The following EYS variants were observed in gnomAD, a reference collection of about 807,000 sequenced individuals.
The protein encoded by EYS is EGF-like photoreceptor maintenance factor, also known as protein eyes shut homolog.
EYS carries 250 observed loss-of-function variants against 282.1 expected under a neutral mutation model. That is an observed-to-expected ratio of 0.89 (90% CI 0.80 to 0.98). The LOEUF is 0.98. Among genes scored for constraint, EYS ranks in the 50% least tolerant of loss-of-function variants. The pLI is 0.00. For synonymous variants in EYS, 1,355 were observed against 1,282.9 expected, an observed-to-expected ratio of 1.06 and a Z score of -1.20; for missense variants, 4,016 against 3,709.0, an observed-to-expected ratio of 1.08 and a Z score of -2.15.
At chr6:64,856,345 G>A (rs1346997487) in intron 19 of EYS, among the ~76,000 whole-genome samples, 1 of 152,050 alleles carries the variant, frequency 6.6e-6, no homozygotes, top group African/African-American at 2.4e-5. Context: ...TCATCACCCA[G>A]GATGGAGTTC....
At chr6:63,975,109 A>C (rs1433264177) in intron 35 of EYS, among the ~76,000 whole-genome samples, 1 of 128,062 alleles carries the variant, frequency 7.8e-6, no homozygotes, top group Non-Finnish European at 1.6e-5. Context: ...GAAATGAGAC[A>C]AAAAAAAAAA....
At chr6:63,992,074 C>T (rs1179084671) in intron 34 of EYS, among the ~76,000 whole-genome samples, 1 of 151,780 alleles carries the variant, frequency 6.6e-6, no homozygotes, top group Non-Finnish European at 1.5e-5. Context: ...ATTACATGTT[C>T]CTTACAAGAA....
intron 7 of EYS, among the ~76,000 whole-genome samples, chr6:65,401,157 C>G (rs770607495): frequency 2.0e-5 from 3 of 151,874 alleles, no homozygotes; most frequent in Non-Finnish European, 2.9e-5. Context: ...TAGTAACACA[C>G]AGATAAATCC....
intron 22 of EYS, among the ~76,000 whole-genome samples, chr6:64,735,701 C>G (rs147983333): frequency 1.3e-5 from 2 of 152,054 alleles, no homozygotes; most frequent in South Asian, 4.1e-4. Context: ...GAAATATTTA[C>G]AATTGTTACA....
intron 12 of EYS, among the ~76,000 whole-genome samples, chr6:65,255,898 G>A (rs1189234841): frequency 6.6e-6 from 1 of 151,998 alleles, no homozygotes; most frequent in East Asian, 1.9e-4. Context: ...GCACTCTCAG[G>A]AGGAATATGA....
chr6:63,911,185 C>A (rs1324128614), intron 35 of EYS, among the ~76,000 whole-genome samples: 2 of 151,626 alleles, frequency 1.3e-5, no homozygotes, highest in Non-Finnish European at 2.9e-5. Context: ...GTCGCTTTTC[C>A]CACAAATCAG....
chr6:64,520,630 T>A (rs918174409), intron 26 of EYS, among the ~76,000 whole-genome samples: 3 of 151,696 alleles, frequency 2.0e-5, no homozygotes, highest in African/African-American at 7.3e-5. Context: ...CAAAAAAAAA[T>A]TCTGTTTCAT....
chr6:65,395,856 C>A (rs1478582020), intron 7 of EYS, among the ~76,000 whole-genome samples: 1 of 152,110 alleles, frequency 6.6e-6, no homozygotes, highest in Non-Finnish European at 1.5e-5. Context: ...GAACACCCCC[C>A]ATTTCTCTCA....
At chr6:64,630,903 G>T (rs1388707328) in intron 22 of EYS, among the ~76,000 whole-genome samples, 1 of 152,154 alleles carries the variant, frequency 6.6e-6, no homozygotes, top group Non-Finnish European at 1.5e-5. Context: ...TGGGGAAATT[G>T]TGCTACTTAT....
At chr6:64,232,949 A>T (rs568540013) in intron 30 of EYS, among the ~76,000 whole-genome samples, 90 of 152,336 alleles carry the variant, frequency 5.9e-4, no homozygotes, top group South Asian at 4.1e-3. Context: ...AATATGAATG[A>T]CATGGGATTT....
At chr6:64,769,194 T>C (rs1180584107) in intron 22 of EYS, among the ~76,000 whole-genome samples, 2 of 152,106 alleles carry the variant, frequency 1.3e-5, no homozygotes. Flanking sequence ...GCCTAAATCA[T>C]TTCTTTTTAG....
chr6:63,844,931 G>A (rs999186266), intron 36 of EYS, among the ~76,000 whole-genome samples: 1 of 152,024 alleles, frequency 6.6e-6, no homozygotes, highest in Admixed American at 6.6e-5. Context: ...TGAAATATTT[G>A]CTAATGCCTA....
chr6:65,586,839 A>T (rs1453471898), intron 2 of EYS, among the ~76,000 whole-genome samples: 1 of 152,092 alleles, frequency 6.6e-6, no homozygotes, highest in African/African-American at 2.4e-5. Flanking sequence ...TTTCTATGAT[A>T]GACAGTTTAT....
intron 26 of EYS, among the ~76,000 whole-genome samples, chr6:64,497,628 T>A (rs902160181): frequency 6.6e-6 from 1 of 152,030 alleles, no homozygotes; most frequent in African/African-American, 2.4e-5. Context: ...TATACTAAAC[T>A]GATGTGTATG....
intron 29 of EYS, among the ~76,000 whole-genome samples, chr6:64,309,770 TC>T (rs374968162): frequency 4.6e-5 from 7 of 151,866 alleles, no homozygotes; most frequent in African/African-American, 1.7e-4. Context: ...ATCAAGACCA[TC>T]CTGGCCAACA....
At chr6:65,265,120 T>A (rs141419717) in intron 12 of EYS, among the ~76,000 whole-genome samples, 2,192 of 151,960 alleles carry the variant, frequency 0.014, 23 homozygotes, top group Non-Finnish European at 0.023. Flanking sequence ...GAGGCAAGGG[T>A]TGAAAAACTA....
chr6:64,245,224 T>C (rs4472328), intron 30 of EYS, among the ~76,000 whole-genome samples: 48,212 of 151,954 alleles, frequency 0.32, 7,638 homozygotes, highest in East Asian at 0.51. Flanking sequence ...TACTATGCAG[T>C]CATAAAAAAG....
chr6:64,258,734 T>A (rs559193966), intron 30 of EYS, among the ~76,000 whole-genome samples: 20 of 152,166 alleles, frequency 1.3e-4, no homozygotes, highest in Middle Eastern at 3.4e-3. Context: ...TGAACTTTTT[T>A]AAACGTAAAG....
chr6:65,173,669 A>G (rs189514558), intron 12 of EYS, among the ~76,000 whole-genome samples: 1 of 151,172 alleles, frequency 6.6e-6, no homozygotes, highest in East Asian at 2.0e-4. Flanking sequence ...CAAAGACATT[A>G]CTGAATGTTG....
Sources: allele counts gnomAD v4.1 joint callset (sites outside exome capture counted in the v4.1 genomes callset), GRCh38; gene constraint gnomAD v4.1.1; transcripts MANE v1.5; gene names NCBI Gene and HGNC (gene_info 2026-07-23, HGNC 2026-07-21).